Variants in DGKG observed in about 807,000 individuals in gnomAD.
DGKG encodes the protein DAG kinase gamma.
In DGKG, 78 loss-of-function variants were observed where a neutral mutation model predicts 105.3. The observed-to-expected ratio is 0.74, with a 90% CI of 0.62 to 0.89. The LOEUF is 0.89. DGKG is among the 40% of genes least tolerant of loss of function. The pLI, the probability that DGKG is intolerant of heterozygous loss-of-function variation, is 0.00. For missense variants in DGKG, 958 were observed against 1,020.1 expected (o/e 0.94, Z 0.83); for synonymous variants, 346 against 367.1 (o/e 0.94, Z 0.66).
intron 8 of DGKG, 118 bp downstream of exon 8, chr3:186,280,552 C>T: frequency 1.4e-6 from 1 of 732,244 alleles, no homozygotes; most frequent in East Asian, 2.5e-5. Flanking sequence ...AAGAAGCTGC[C>T]TATAAGAAGA....
At chr3:186,339,515 C>G (rs967814866) in intron 1 of DGKG, among the ~76,000 whole-genome samples, 1 of 152,066 alleles carries the variant, frequency 6.6e-6, no homozygotes, top group African/African-American at 2.4e-5. Flanking sequence ...TTTTTTCATG[C>G]TATGAGATTA....
At chr3:186,323,195 A>G (rs1379984802) in intron 1 of DGKG, among the ~76,000 whole-genome samples, 1 of 152,096 alleles carries the variant, frequency 6.6e-6, no homozygotes, top group African/African-American at 2.4e-5. Context: ...ATGATACACA[A>G]AGCTCTTTAT....
chr3:186,285,410 G>A (rs993296540), intron 6 of DGKG, among the ~76,000 whole-genome samples: 4 of 152,078 alleles, frequency 2.6e-5, no homozygotes, highest in African/African-American at 9.7e-5. Context: ...TAGTTATTAC[G>A]GAAGCCATCT....
At chr3:186,233,835 A>G (rs1227905110) in intron 20 of DGKG, among the ~76,000 whole-genome samples, 2 of 152,346 alleles carry the variant, frequency 1.3e-5, no homozygotes, top group Middle Eastern at 3.4e-3. Flanking sequence ...CAGCAACAAC[A>G]GGAAACTCAC....
intron 10 of DGKG, among the ~76,000 whole-genome samples, chr3:186,274,296 T>A (rs893309181): frequency 6.6e-6 from 1 of 152,186 alleles, no homozygotes; most frequent in Non-Finnish European, 1.5e-5. Flanking sequence ...CGAGTGATCC[T>A]CCCACCTCAG....
At chr3:186,224,838 A>G (rs892906779) in intron 20 of DGKG, among the ~76,000 whole-genome samples, 1 of 148,440 alleles carries the variant, frequency 6.7e-6, no homozygotes, top group African/African-American at 2.5e-5. Context: ...CTGGGTAGCT[A>G]CCTCTGCAGG....
chr3:186,274,657 G>A (rs1423192417), intron 10 of DGKG, among the ~76,000 whole-genome samples: 5 of 151,338 alleles, frequency 3.3e-5, no homozygotes, highest in Non-Finnish European at 5.9e-5. Context: ...ATGATCTTGC[G>A]ATAGTTTGCT....
chr3:186,296,617 C>T (rs1038475539), intron 5 of DGKG, among the ~76,000 whole-genome samples: 6 of 152,220 alleles, frequency 3.9e-5, no homozygotes, highest in African/African-American at 7.2e-5. Context: ...ACAGCAGCTC[C>T]GCTGAGAGTG....
chr3:186,343,061 C>G (rs1726157572), intron 1 of DGKG, among the ~76,000 whole-genome samples: 1 of 152,046 alleles, frequency 6.6e-6, no homozygotes, highest in African/African-American at 2.4e-5. Context: ...ACAATAACAA[C>G]AAAAAACCCC....
intron 15 of DGKG, 30 bp from the exon 16 acceptor site, chr3:186,260,543 G>C: frequency 9.3e-5 from 134 of 1,441,094 alleles, no homozygotes; most frequent in Non-Finnish European, 1.2e-4. Flanking sequence ...AGGAGGGAGA[G>C]AGAGAGACAG....
chr3:186,238,088 T>A (rs1720499870), intron 20 of DGKG, among the ~76,000 whole-genome samples: 1 of 151,242 alleles, frequency 6.6e-6, no homozygotes, highest in Non-Finnish European at 1.5e-5. Context: ...AGGTCAGGAG[T>A]TCAAGACCAG....
chr3:186,342,688 A>G (rs61430751), intron 1 of DGKG, among the ~76,000 whole-genome samples: 11,063 of 152,106 alleles, frequency 0.073, 1,306 homozygotes, highest in African/African-American at 0.25. Flanking sequence ...CCAGCTCAGA[A>G]GACATGATTG....
At chr3:186,164,858 C>T (rs374967650) in intron 23 of DGKG, 40 bp downstream of exon 23, 101 of 1,586,424 alleles carry the variant, frequency 6.4e-5, no homozygotes, top group Non-Finnish European at 8.0e-5. Context: ...TGTACGCAGG[C>T]GGGGAGATGC....
At chr3:186,270,097 C>T (rs1578754781) in intron 11 of DGKG, among the ~76,000 whole-genome samples, 2 of 151,524 alleles carry the variant, frequency 1.3e-5, no homozygotes, top group Non-Finnish European at 2.9e-5. Flanking sequence ...GAAATATCTG[C>T]GTGATTCTGT....
intron 21 of DGKG, among the ~76,000 whole-genome samples, chr3:186,198,296 C>G (rs1467206421): frequency 6.6e-6 from 1 of 152,202 alleles, no homozygotes; most frequent in Non-Finnish European, 1.5e-5. Context: ...AAGTCTCCAT[C>G]AAGTGGTCCT....
At chr3:186,280,823 C>T in intron 7 of DGKG, 79 bp from the exon 8 acceptor site, 1 of 1,263,536 alleles carries the variant, frequency 7.9e-7, no homozygotes, top group Non-Finnish European at 1.1e-6. Flanking sequence ...CAAAATTAAG[C>T]CCAGTGGGAA....
At chr3:186,308,470 A>C (rs991905565) in intron 2 of DGKG, among the ~76,000 whole-genome samples, 2 of 152,134 alleles carry the variant, frequency 1.3e-5, no homozygotes, top group African/African-American at 4.8e-5. Context: ...AAGCTCACAC[A>C]GTGTTTTTTG....
At chr3:186,341,177 T>C (rs2108660590) in intron 1 of DGKG, among the ~76,000 whole-genome samples, 3 of 152,348 alleles carry the variant, frequency 2.0e-5, no homozygotes, top group Middle Eastern at 6.8e-3. Flanking sequence ...TTCTTTCTGC[T>C]GATCATTGGG....
chr3:186,229,487 C>T (rs570979458), intron 20 of DGKG, among the ~76,000 whole-genome samples: 136 of 152,230 alleles, frequency 8.9e-4, no homozygotes, highest in South Asian at 6.2e-3. Context: ...TCAAGTGATC[C>T]GCCTGCCTCT....
Sources: allele counts gnomAD v4.1 joint callset (sites outside exome capture counted in the v4.1 genomes callset), GRCh38; gene constraint gnomAD v4.1.1; transcripts MANE v1.5; gene names NCBI Gene and HGNC (gene_info 2026-07-23, HGNC 2026-07-21).